LNPK: variants seen among roughly 807,000 people sequenced by gnomAD.
The protein encoded by LNPK is endoplasmic reticulum junction formation protein lunapark.
In LNPK, 29 loss-of-function variants were observed where a neutral mutation model predicts 55.2. The ratio of observed to expected loss-of-function variants is 0.53; its 90% CI spans 0.39 to 0.72. The LOEUF is 0.72. Among genes scored for constraint, LNPK ranks in the 30% least tolerant of loss-of-function variants. The probability of loss-of-function intolerance (pLI) is 0.00; values close to 1 mark genes in which losing one functional copy is unlikely to be tolerated. For missense variants in LNPK, 467 were observed against 494.8 expected, an observed-to-expected ratio of 0.94 and a Z score of 0.53; for synonymous variants, 162 against 168.2, an observed-to-expected ratio of 0.96 and a Z score of 0.29.
chr2:175,975,041 TC>T (rs1686847703), intron 5 of LNPK, among the ~76,000 whole-genome samples: 1 of 150,980 alleles, frequency 6.6e-6, no homozygotes, highest in Non-Finnish European at 1.5e-5. Flanking sequence ...ATCTTGCTAT[TC>T]CTTGGAGTCA....
intron 6 of LNPK, among the ~76,000 whole-genome samples, chr2:175,967,457 T>C (rs992580625): frequency 1.3e-5 from 2 of 152,146 alleles, no homozygotes; most frequent in African/African-American, 4.8e-5. Flanking sequence ...AAATATTTAA[T>C]ACTAAAATTA....
intron 9 of LNPK, among the ~76,000 whole-genome samples, chr2:175,945,699 A>T (rs1227022821): frequency 2.6e-5 from 4 of 152,194 alleles, no homozygotes; most frequent in Non-Finnish European, 1.5e-5. Flanking sequence ...AACTTGCAAG[A>T]GTATTTTACT....
chr2:175,938,298 C>T lies in LNPK; in HGVS notation c.883+15G>A. Reference sequence around the variant, plus strand: ...AGCATAAAATATTTAAATCTCATTGCCCAATAATTCTTACCAATGTATTCA... The same window carrying T: ...AGCATAAAATATTTAAATCTCATTGTCCAATAATTCTTACCAATGTATTCA... On this transcript the variant is annotated intron_variant, in intron 11 of 12. Transcript: ENST00000272748. The T allele has an allele frequency of 6.8e-7, 1 of 1,476,178 alleles. No individual in the cohort carries two copies. The highest frequency in any genetic ancestry group is 1.2e-5 in the South Asian group (1 of 83,580). The allele number at this position is 1,476,178 out of a possible 1,614,324, so 91.4% of individuals were successfully genotyped here.
At chr2:175,991,060 T>C (rs528335396) in intron 4 of LNPK, among the ~76,000 whole-genome samples, 50 of 152,294 alleles carry the variant, frequency 3.3e-4, no homozygotes, top group African/African-American at 9.6e-4. Context: ...TAGATCATAG[T>C]TTTTGGATAG....
rs1447355772 is a variant in LNPK, at chr2:175,923,905, T to G, written c.*6062A>C. 6.6e-6 allele frequency: 1 copy of G among 152,210 alleles called. No individual in the cohort carries two copies. The highest frequency in any genetic ancestry group is 1.5e-5 in the Non-Finnish European group (1 of 68,026). The allele number at this position is 152,210 out of a possible 1,614,324, so 9.4% of individuals were successfully genotyped here. ...AATAAGGTTTTCATTCTGTACTCAA[T>G]TTTTATTCTTGTTTGTATTCTAACA... On this transcript the variant is annotated 3_prime_UTR_variant, in exon 13 of 13. Transcript: ENST00000272748.
Position 175,995,540 on chromosome 2 carries a change from T to C in LNPK, c.27+18A>G, listed in dbSNP as rs772594920. ...TTATATTAGACTCAAGAACTAGCTG[T>C]AAAGAAAAGTACCTTACCCTCCATC... On this transcript the variant is annotated intron_variant, in intron 2 of 12. Coordinates refer to ENST00000272748, the MANE Select transcript of LNPK (RefSeq NM_030650.3). 1.3e-6 allele frequency: 2 copies of C among 1,595,204 alleles called. No individual in the cohort carries two copies. The highest frequency in any genetic ancestry group is 1.7e-6 in the Non-Finnish European group (2 of 1,167,912).
At chr2:175,998,422 C>A in intron 1 of LNPK, among the ~76,000 whole-genome samples, 2 of 132,288 alleles carry the variant, frequency 1.5e-5, no homozygotes, top group East Asian at 2.2e-4. Flanking sequence ...CAGCCTGGGT[C>A]ACAGAGCGAG....
chr2:175,990,793 A>G (rs1192914135), intron 4 of LNPK, among the ~76,000 whole-genome samples: 3 of 152,186 alleles, frequency 2.0e-5, no homozygotes, highest in Non-Finnish European at 4.4e-5. Context: ...ACAGCTGAGA[A>G]CGAGGTTACA....
intron 9 of LNPK, among the ~76,000 whole-genome samples, chr2:175,940,590 T>C (rs1414792220): frequency 6.6e-6 from 1 of 152,094 alleles, no homozygotes; most frequent in African/African-American, 2.4e-5. Context: ...AACCCAGTAT[T>C]GAATAAGGTA....
At chr2:175,981,831 A>C (rs1687188050) in intron 4 of LNPK, among the ~76,000 whole-genome samples, 1 of 152,226 alleles carries the variant, frequency 6.6e-6, no homozygotes, top group South Asian at 2.1e-4. Context: ...CTGAGATAGA[A>C]CTACCCAGCT....
intron 8 of LNPK, among the ~76,000 whole-genome samples, chr2:175,957,187 G>A (rs753881555): frequency 2.6e-5 from 4 of 151,810 alleles, no homozygotes; most frequent in Non-Finnish European, 2.9e-5. Flanking sequence ...GTGAAACCCC[G>A]TATCTACTAA....
chr2:175,987,294 C>T (rs1451941299), intron 4 of LNPK, among the ~76,000 whole-genome samples: 1 of 152,114 alleles, frequency 6.6e-6, no homozygotes, highest in African/African-American at 2.4e-5. Flanking sequence ...CAATGATAGA[C>T]TGGACTAAGA....
intron 9 of LNPK, among the ~76,000 whole-genome samples, chr2:175,947,133 C>A (rs1445000660): frequency 6.6e-6 from 1 of 152,104 alleles, no homozygotes; most frequent in Non-Finnish European, 1.5e-5. Flanking sequence ...TCAATACATT[C>A]CAAAAGTGTT....
chr2:175,981,274 G>C (rs1417469857), intron 4 of LNPK, among the ~76,000 whole-genome samples: 2 of 152,178 alleles, frequency 1.3e-5, no homozygotes, highest in African/African-American at 4.8e-5. Context: ...TGGATTACAA[G>C]CTCTGTGAGA....
At chr2:175,957,928 T>C (rs761864526) in intron 8 of LNPK, among the ~76,000 whole-genome samples, 25 of 152,162 alleles carry the variant, frequency 1.6e-4, no homozygotes, top group Non-Finnish European at 1.2e-4. Context: ...GTTTGGCAGA[T>C]CCTATGCCCA....
intron 8 of LNPK, among the ~76,000 whole-genome samples, chr2:175,956,040 G>A (rs995414547): frequency 1.3e-5 from 2 of 152,120 alleles, no homozygotes; most frequent in Non-Finnish European, 2.9e-5. Flanking sequence ...AGCACTTTGG[G>A]AGGCCGAGGC....
At chr2:175,945,350 C>G (rs1685071493) in intron 9 of LNPK, among the ~76,000 whole-genome samples, 1 of 150,228 alleles carries the variant, frequency 6.7e-6, no homozygotes, top group African/African-American at 2.4e-5. Flanking sequence ...ACTAAAAATA[C>G]AAAAATTAGC....
chr2:175,963,882 T>G (rs983940038), intron 8 of LNPK, among the ~76,000 whole-genome samples: 2 of 152,042 alleles, frequency 1.3e-5, no homozygotes, highest in African/African-American at 4.8e-5. Flanking sequence ...AATAATATGG[T>G]AATACAAGCT....
intron 5 of LNPK, among the ~76,000 whole-genome samples, chr2:175,979,415 T>C (rs1319492078): frequency 6.6e-6 from 1 of 151,766 alleles, no homozygotes; most frequent in African/African-American, 2.4e-5. Flanking sequence ...AAAAATTAGC[T>C]GGAAGTGGTG....
Sources: gnomAD v4.1 joint callset for allele counts (sites outside exome capture counted in the v4.1 genomes callset) on GRCh38, gnomAD v4.1.1 for gene constraint, MANE v1.5 for transcripts, NCBI Gene and HGNC (gene_info 2026-07-23, HGNC 2026-07-21) for gene names.